VCL: variants seen among roughly 807,000 people sequenced by gnomAD.
VCL encodes the protein epididymis luminal protein 114.
In VCL, 47 loss-of-function variants were observed where a neutral mutation model predicts 125.7. That is an observed-to-expected ratio of 0.37 (90% CI 0.30 to 0.48). VCL has a LOEUF of 0.48. VCL is among the 20% of genes least tolerant of loss of function. VCL has a pLI of 0.99. For missense variants in VCL, 1,069 were observed against 1,455.5 expected, an observed-to-expected ratio of 0.73 and a Z score of 4.32; for synonymous variants, 458 against 514.6, an observed-to-expected ratio of 0.89 and a Z score of 1.49.
At chr10:74,093,065 C>T (rs955302042) in intron 10 of VCL, among the ~76,000 whole-genome samples, 1 of 152,048 alleles carries the variant, frequency 6.6e-6, no homozygotes, top group South Asian at 2.1e-4. Flanking sequence ...GGGAGGCTGA[C>T]GTGGGCACAT....
chr10:74,067,544 G>A (rs990602246), intron 2 of VCL, among the ~76,000 whole-genome samples: 3 of 152,040 alleles, frequency 2.0e-5, no homozygotes, highest in Non-Finnish European at 4.4e-5. Context: ...AGAGAAATGA[G>A]AACATTATAG....
intron 14 of VCL, among the ~76,000 whole-genome samples, chr10:74,101,301 T>C (rs1564531474): frequency 6.6e-6 from 1 of 150,686 alleles, no homozygotes; most frequent in African/African-American, 2.4e-5. Flanking sequence ...GCCTGGGCAA[T>C]ACAGCAAGAC....
chr10:74,080,433 TA>T (rs1396512961), intron 6 of VCL, among the ~76,000 whole-genome samples: 4 of 152,190 alleles, frequency 2.6e-5, no homozygotes, highest in African/African-American at 9.6e-5. Context: ...AAATGACATT[TA>T]AATTTGAGAT....
intron 2 of VCL, among the ~76,000 whole-genome samples, chr10:74,049,094 G>A (rs1296993392): frequency 1.3e-5 from 2 of 151,624 alleles, no homozygotes; most frequent in African/African-American, 4.8e-5. Flanking sequence ...GCGACAGAGC[G>A]AGACTCCATC....
At chr10:74,084,675 C>T (rs536718861) in intron 8 of VCL, among the ~76,000 whole-genome samples, 2 of 152,036 alleles carry the variant, frequency 1.3e-5, no homozygotes, top group South Asian at 2.1e-4. Context: ...TGCAATGGCG[C>T]GATCTCGGCT....
chr10:74,089,362 AT>A lies in VCL; in HGVS notation c.1176+17del, dbSNP rs754416630. On this transcript the variant is annotated intron_variant, in intron 9 of 21. Coordinates refer to ENST00000211998, the MANE Select transcript of VCL (RefSeq NM_014000.3). ...CGATGCTGCTCAGGTAGTCACAGTG[AT>A]TTTCAGGAGGGGTGGGAAATATTTC... The A allele has an allele frequency of 6.2e-7, 1 of 1,612,640 alleles. No individual in the cohort carries two copies. Among genetic ancestry groups the A allele is most frequent in the African/African-American group, 1.3e-5 (1 of 74,968 alleles).
chr10:74,081,679 G>A (rs1839676296), intron 6 of VCL, among the ~76,000 whole-genome samples: 1 of 152,154 alleles, frequency 6.6e-6, no homozygotes, highest in Admixed American at 6.5e-5. Flanking sequence ...TGATTAGTCT[G>A]TTGTTTCAGC....
chr10:74,039,945 C>T (rs1441309398), intron 1 of VCL, among the ~76,000 whole-genome samples: 3 of 152,204 alleles, frequency 2.0e-5, no homozygotes, highest in African/African-American at 7.2e-5. Context: ...ACTTCCCTCC[C>T]TCCCTGAGGT....
rs1161059101 is a variant in VCL at position 74,072,627 on chromosome 10, C to T, written c.500-103C>T. 1.7e-5 allele frequency: 26 copies of T among 1,548,266 alleles called. No homozygotes were observed. In the East Asian group the frequency reaches 1.8e-4, roughly 11 times the overall value. ...TCTGTTGTTTAAATAAGTGAGCAAT[C>T]GGTTTGAACTTTCATAGTATTTCAT... On this transcript the variant is annotated intron_variant, in intron 4 of 21. Transcript: ENST00000211998.
At chr10:74,035,805 A>G (rs1157492332) in intron 1 of VCL, among the ~76,000 whole-genome samples, 1 of 152,238 alleles carries the variant, frequency 6.6e-6, no homozygotes, top group African/African-American at 2.4e-5. Flanking sequence ...CCAACTGCGG[A>G]TTGAAAATAT....
intron 8 of VCL, among the ~76,000 whole-genome samples, chr10:74,086,656 A>T (rs528031646): frequency 6.6e-6 from 1 of 152,234 alleles, no homozygotes; most frequent in African/African-American, 2.4e-5. Flanking sequence ...GATGAGTATG[A>T]GCAAGAGAAT....
At chr10:74,069,797 T>A (rs949138886) in intron 2 of VCL, among the ~76,000 whole-genome samples, 1 of 152,176 alleles carries the variant, frequency 6.6e-6, no homozygotes, top group African/African-American at 2.4e-5. Flanking sequence ...TACATTTTAT[T>A]AGTACAAGGA....
intron 15 of VCL, among the ~76,000 whole-genome samples, chr10:74,104,614 G>C (rs2131959): frequency 0.72 from 108,776 of 151,866 alleles, 39,593 homozygotes; most frequent in Middle Eastern, 0.84. Flanking sequence ...TAGGCTGTTA[G>C]GGTTATTGGA....
intron 8 of VCL, among the ~76,000 whole-genome samples, chr10:74,085,015 T>C (rs1032458490): frequency 2.0e-5 from 3 of 152,232 alleles, no homozygotes; most frequent in African/African-American, 7.2e-5. Flanking sequence ...GCTCAAGCAA[T>C]GTTCCTTCTT....
chr10:74,063,611 G>A (rs566134165), intron 2 of VCL: 1 of 152,118 alleles, frequency 6.6e-6, no homozygotes, highest in Non-Finnish European at 1.5e-5. Flanking sequence ...ATTCTGTACT[G>A]CTATAATAGT....
At chr10:74,066,013 A>G (rs1335369385) in intron 2 of VCL, among the ~76,000 whole-genome samples, 1 of 150,568 alleles carries the variant, frequency 6.6e-6, no homozygotes, top group Non-Finnish European at 1.5e-5. Flanking sequence ...CACCTCTAAC[A>G]TCCAGCAGAG....
rs1459301559 is a variant in VCL, at chr10:74,017,338, C to T, written c.168+18963C>T. Among the ~76,000 whole-genome samples, 4 of 152,080 alleles carry T rather than the reference C, an allele frequency of 2.6e-5. No individual in the cohort carries two copies. In the East Asian group the frequency reaches 5.8e-4, roughly 22 times the overall value. ...CTGGGATTACAGGCGTGAGCCACCGCGCCCGGCCTCCTTCCTTTTTAAGGC... is the reference window on the plus strand; with the variant it reads ...CTGGGATTACAGGCGTGAGCCACCGTGCCCGGCCTCCTTCCTTTTTAAGGC... On this transcript the variant is annotated intron_variant, in intron 1 of 21. Coordinates refer to ENST00000211998, the MANE Select transcript of VCL (RefSeq NM_014000.3).
chr10:74,099,944 T>A (rs61865582), intron 13 of VCL, among the ~76,000 whole-genome samples: 7,540 of 152,268 alleles, frequency 0.05, 272 homozygotes, highest in Middle Eastern at 0.078. Flanking sequence ...AACCTGCTAT[T>A]GAACCAAGAG....
chr10:74,087,434 C>T (rs1839801578), intron 8 of VCL, among the ~76,000 whole-genome samples: 1 of 148,090 alleles, frequency 6.8e-6, no homozygotes, highest in African/African-American at 2.5e-5. Flanking sequence ...CAAGCTCTGC[C>T]TCCCGGGTTC....
Sources: gnomAD v4.1 joint callset for allele counts (sites outside exome capture counted in the v4.1 genomes callset) on GRCh38, gnomAD v4.1.1 for gene constraint, MANE v1.5 for transcripts, NCBI Gene and HGNC (gene_info 2026-07-23, HGNC 2026-07-21) for gene names.